The following TMTC2 variants were observed in gnomAD, a reference collection of about 807,000 sequenced individuals.
TMTC2 encodes the protein protein O-mannosyl-transferase TMTC2.
Under a neutral mutation model 82.4 loss-of-function variants are expected in TMTC2, and 43 were observed. The observed-to-expected ratio is 0.52, with a 90% confidence interval of 0.41 to 0.67. TMTC2 has a LOEUF of 0.67. Among genes scored for constraint, TMTC2 ranks in the 30% least tolerant of loss-of-function variants. TMTC2 has a pLI of 0.00. For missense variants in TMTC2, 919 were observed against 1,012.4 expected (o/e 0.91, Z 1.25); for synonymous variants, 408 against 381.9 (o/e 1.07, Z -0.80).
chr12:82,689,616 A>G (rs140627871), intron 1 of TMTC2, among the ~76,000 whole-genome samples: 1 of 152,156 alleles, frequency 6.6e-6, no homozygotes, highest in Non-Finnish European at 1.5e-5. Context: ...TTCTATAGGT[A>G]TAATTGTTCT....
At chr12:82,794,974 C>T (rs1878646480) in intron 1 of TMTC2, among the ~76,000 whole-genome samples, 1 of 152,032 alleles carries the variant, frequency 6.6e-6, no homozygotes, top group Non-Finnish European at 1.5e-5. Context: ...GGTAAGCCAA[C>T]ATAGAAGAGT....
chr12:82,731,221 T>C (rs10506878), intron 1 of TMTC2, among the ~76,000 whole-genome samples: 13,248 of 152,314 alleles, frequency 0.087, 795 homozygotes, highest in East Asian at 0.24. Flanking sequence ...AAATTTGCTG[T>C]GTAATGTGTA....
intron 10 of TMTC2, among the ~76,000 whole-genome samples, chr12:83,051,981 C>T (rs369207336): frequency 6.6e-6 from 1 of 151,926 alleles, no homozygotes; most frequent in Admixed American, 6.6e-5. Flanking sequence ...CATTATTTGT[C>T]ATGTTAGTTA....
chr12:82,848,190 G>T (rs764292515), intron 1 of TMTC2, among the ~76,000 whole-genome samples: 1 of 152,044 alleles, frequency 6.6e-6, no homozygotes, highest in African/African-American at 2.4e-5. Context: ...TATTCCTGCT[G>T]CTCCATCCCT....
chr12:82,933,161 A>G (rs946167268), intron 4 of TMTC2, among the ~76,000 whole-genome samples: 7 of 152,204 alleles, frequency 4.6e-5, no homozygotes, highest in Non-Finnish European at 8.8e-5. Context: ...CTGTCACCCT[A>G]AACGGAGAAG....
intron 4 of TMTC2, among the ~76,000 whole-genome samples, chr12:82,963,792 CAT>C (rs58960088): frequency 0.022 from 1,152 of 52,994 alleles, 408 homozygotes; most frequent in East Asian, 0.051. Context: ...TCCAGATTTT[CAT>C]ATATATATAT....
intron 11 of TMTC2, among the ~76,000 whole-genome samples, chr12:83,111,487 T>C (rs1884597874): frequency 1.3e-5 from 2 of 152,220 alleles, no homozygotes; most frequent in Admixed American, 1.3e-4. Flanking sequence ...GATGTATTCT[T>C]CTTTTGAGGG....
chr12:83,132,715 T>A lies in TMTC2; in HGVS notation c.*326T>A. 3.8e-6 allele frequency: 1 copy of A among 264,602 alleles called. No homozygotes were observed. The highest frequency in any genetic ancestry group is 7.1e-6 in the Non-Finnish European group (1 of 141,348). 16.4% of individuals were successfully genotyped at this position (264,602 alleles called of 1,614,324 possible). On this transcript the variant is annotated 3_prime_UTR_variant, in exon 12 of 12. Transcript: ENST00000321196. ...CAGATTTTGTTCATTTTCTGAAAGC[T>A]AATTTCAAAATTATGTTGTTCCTTA...
At chr12:83,066,753 A>G (rs1882931210) in intron 11 of TMTC2, among the ~76,000 whole-genome samples, 1 of 151,998 alleles carries the variant, frequency 6.6e-6, no homozygotes, top group Non-Finnish European at 1.5e-5. Flanking sequence ...TTAGTTGGCC[A>G]CCATATATGT....
At chr12:82,915,916 C>T (rs889826942) in intron 3 of TMTC2, among the ~76,000 whole-genome samples, 7 of 152,252 alleles carry the variant, frequency 4.6e-5, no homozygotes, top group South Asian at 4.1e-4. Context: ...ATCAAGACTG[C>T]GTACAGCAAC....
intron 8 of TMTC2, among the ~76,000 whole-genome samples, chr12:83,013,743 C>T (rs1321343091): frequency 3.9e-5 from 6 of 152,150 alleles, no homozygotes; most frequent in East Asian, 3.8e-4. Flanking sequence ...CTGCAATATT[C>T]GAAGTCAACT....
intron 11 of TMTC2, among the ~76,000 whole-genome samples, chr12:83,075,267 G>T (rs1301519607): frequency 6.6e-6 from 1 of 152,070 alleles, no homozygotes; most frequent in Non-Finnish European, 1.5e-5. Context: ...TCCTTCAAAG[G>T]GTCTGTGGGT....
At chr12:82,892,304 A>G (rs192281620) in intron 2 of TMTC2, among the ~76,000 whole-genome samples, 100 of 152,170 alleles carry the variant, frequency 6.6e-4, no homozygotes, top group Admixed American at 1.2e-3. Flanking sequence ...TGTCATTTTC[A>G]TTTTCTCAGT....
chr12:82,986,957 C>T (rs1014565595), intron 8 of TMTC2, among the ~76,000 whole-genome samples: 4 of 151,890 alleles, frequency 2.6e-5, no homozygotes, highest in African/African-American at 9.7e-5. Flanking sequence ...GTTATAGTAC[C>T]TAATCTCTCT....
chr12:82,851,518 T>C (rs1870976128), intron 1 of TMTC2, among the ~76,000 whole-genome samples: 1 of 152,204 alleles, frequency 6.6e-6, no homozygotes. Context: ...ATAAGGCAAG[T>C]ATAGTGCTCT....
At chr12:82,916,340 A>C (rs879701262) in intron 3 of TMTC2, among the ~76,000 whole-genome samples, 1 of 152,216 alleles carries the variant, frequency 6.6e-6, no homozygotes, top group African/African-American at 2.4e-5. Flanking sequence ...ATGCAGTTAT[A>C]TTAATTGTCT....
At chr12:82,970,560 C>T (rs571399754) in intron 7 of TMTC2, among the ~76,000 whole-genome samples, 23 of 151,736 alleles carry the variant, frequency 1.5e-4, no homozygotes, top group Admixed American at 1.4e-3. Flanking sequence ...GTCTCGATCT[C>T]CTGACCTCAT....
intron 2 of TMTC2, among the ~76,000 whole-genome samples, chr12:82,895,530 G>T (rs1210680791): frequency 6.6e-6 from 1 of 152,062 alleles, no homozygotes; most frequent in Non-Finnish European, 1.5e-5. Flanking sequence ...AACCTACTTT[G>T]TAGAGGTCAC....
rs747864661 is a variant in TMTC2, at chr12:83,045,726, C to CACACACACACACACACACCA, written c.2153-5178_2153-5177insACACACACACACACACACCA. Among the ~76,000 whole-genome samples, 356 of 77,504 alleles carry CACACACACACACACACACCA rather than the reference C, an allele frequency of 4.6e-3. 2 individuals are homozygous for CACACACACACACACACACCA. Among genetic ancestry groups the CACACACACACACACACACCA allele is most frequent in the Middle Eastern group, 0.014 (2 of 146 alleles). The allele number at this position is 77,504 out of a possible 152,430, so 50.8% of individuals were successfully genotyped here. On this transcript the variant is annotated intron_variant, in intron 9 of 11. Coordinates refer to ENST00000321196, the MANE Select transcript of TMTC2 (RefSeq NM_152588.3). ...GCTCCTTCACACACACACACACACA[C>CACACACACACACACACACCA]GCACACACACACACACACACACACA...
Sources: gnomAD v4.1 joint callset for allele counts (sites outside exome capture counted in the v4.1 genomes callset) on GRCh38, gnomAD v4.1.1 for gene constraint, MANE v1.5 for transcripts, NCBI Gene and HGNC (gene_info 2026-07-23, HGNC 2026-07-21) for gene names.